Variants in PCDHGA4 observed in about 807,000 individuals in gnomAD.
PCDHGA4 encodes protocadherin gamma-A4.
In PCDHGA4, 38 loss-of-function variants were observed where a neutral mutation model predicts 54.6. That is an observed-to-expected ratio of 0.70 (90% CI 0.54 to 0.91). The LOEUF is 0.91. Among genes scored for constraint, PCDHGA4 ranks in the 40% least tolerant of loss-of-function variants. The pLI, the probability that PCDHGA4 is intolerant of heterozygous loss-of-function variation, is 0.00. For missense variants in PCDHGA4, 1,298 were observed against 1,220.9 expected (o/e 1.06, Z -0.94); for synonymous variants, 511 against 512.9 (o/e 1.00, Z 0.05).
chr5:141,410,399 G>A, intron 1 of PCDHGA4: 1 of 1,614,044 alleles, frequency 6.2e-7, no homozygotes. Flanking sequence ...TGGTCTCTGT[G>A]TCAAGTCTGG....
At chr5:141,388,956 G>C (rs1010974359) in intron 1 of PCDHGA4, 1 of 1,613,846 alleles carries the variant, frequency 6.2e-7, no homozygotes, top group Non-Finnish European at 8.5e-7. Context: ...TATGGAGGAC[G>C]CCGAGCTGGG....
At chr5:141,376,372 G>T in intron 1 of PCDHGA4, 1 of 1,614,182 alleles carries the variant, frequency 6.2e-7, no homozygotes, top group Non-Finnish European at 8.5e-7. Flanking sequence ...CTGCAGACTC[G>T]CGTAAGAGTC....
At chr5:141,471,892 T>C (rs1429425311) in intron 1 of PCDHGA4, among the ~76,000 whole-genome samples, 1 of 152,166 alleles carries the variant, frequency 6.6e-6, no homozygotes, top group Admixed American at 6.6e-5. Context: ...GCTAGGAAGA[T>C]TGACTACAGA....
rs149653507 is a variant in PCDHGA4 at position 141,469,869 on chromosome 5, G to A, written c.2515-24938G>A. Among the ~76,000 whole-genome samples, 591 of 152,290 alleles carry A rather than the reference G, an allele frequency of 3.9e-3. 6 individuals are homozygous for A. Among genetic ancestry groups the A allele is most frequent in the Admixed American group, 0.011 (171 of 15,304 alleles). On this transcript the variant is annotated intron_variant, in intron 1 of 3. Transcript: ENST00000571252. ...ATTCAGACCGGGTGCAATGGCTCACGCCTGTAATCTCGGCACTTTGGGAAG... is the reference window on the plus strand; with the variant it reads ...ATTCAGACCGGGTGCAATGGCTCACACCTGTAATCTCGGCACTTTGGGAAG...
chr5:141,376,292 G>C (rs377013387), intron 1 of PCDHGA4: 30 of 1,614,038 alleles, frequency 1.9e-5, no homozygotes, highest in Middle Eastern at 3.3e-4. Flanking sequence ...GAGCATGCCC[G>C]GCTCGCACTT....
At position 141,431,696 on chromosome 5, in the gene PCDHGA4, G is replaced by T; in HGVS notation, c.2515-63111G>T. ...AGGGGAGTTGGACCACGAGGAGTCA[G>T]GATTCTACCAGATGGAAGTGCAAGC... On this transcript the variant is annotated intron_variant, in intron 1 of 3. Transcript: ENST00000571252. The surrounding 1 kb of genome is among the most constrained non-coding windows in gnomAD (Gnocchi z 4.8). 6.2e-7 allele frequency: 1 copy of T among 1,614,238 alleles called. No individual in the cohort carries two copies. Among genetic ancestry groups the T allele is most frequent in the Non-Finnish European group, 8.5e-7 (1 of 1,180,038 alleles).
At chr5:141,494,759 C>G (rs776923097) in intron 1 of PCDHGA4, 48 bp from the exon 2 acceptor site, 2 of 1,613,886 alleles carry the variant, frequency 1.2e-6, no homozygotes, top group Middle Eastern at 1.6e-4. Flanking sequence ...GGGTGACATT[C>G]TAACTTCTCA....
At chr5:141,396,502 C>T (rs982229069) in intron 1 of PCDHGA4, 2 of 152,106 alleles carry the variant, frequency 1.3e-5, no homozygotes, top group African/African-American at 4.8e-5. Flanking sequence ...CGCCTGTGGT[C>T]CCAGCTACTC....
At position 141,487,033 on chromosome 5, in the gene PCDHGA4, A is replaced by C. The variant is rs1465525110; in HGVS notation, c.2515-7774A>C. ...AGGCCCCAGATCCCAGCCTGTTTGC[A>C]GTCTCTCGATATGCTGGGGAGGTGC... On this transcript the variant is annotated intron_variant, in intron 1 of 3. Transcript: ENST00000571252. This position sits in a 1 kb window ranked among gnomAD's most constrained non-coding sequence, Gnocchi z 5.0. 3 of 1,614,160 alleles carry C rather than the reference A, an allele frequency of 1.9e-6. No individual in the cohort carries two copies. Among genetic ancestry groups the C allele is most frequent in the Non-Finnish European group, 2.5e-6 (3 of 1,180,032 alleles).
At chr5:141,387,607 AG>A in intron 1 of PCDHGA4, 2 of 547,806 alleles carry the variant, frequency 3.7e-6, no homozygotes, top group Non-Finnish European at 6.4e-6. Context: ...CAGAGGCTGT[AG>A]TTTCCTAGTG....
chr5:141,375,994 G>A lies in PCDHGA4; in HGVS notation c.2514+18373G>A, dbSNP rs553803944. ...CGCGCGCCCTGCTGGACAGAGACGC[G>A]CTCAAGCAGAGCCTAGTGGTGGCCG... On this transcript the variant is annotated intron_variant, in intron 1 of 3. Coordinates refer to ENST00000571252, the MANE Select transcript of PCDHGA4 (RefSeq NM_018917.4). The A allele has an allele frequency of 2.5e-6, 4 of 1,613,410 alleles. No individual in the cohort carries two copies. The South Asian group carries it at 3.3e-5, about 13-fold the overall frequency.
At chr5:141,424,215 G>T in intron 1 of PCDHGA4, 1 of 167,104 alleles carries the variant, frequency 6.0e-6, no homozygotes. Flanking sequence ...TTTTCTCTGA[G>T]CAATTTTATT....
At position 141,475,845 on chromosome 5, in the gene PCDHGA4, G is replaced by A. The variant is rs2099375736; in HGVS notation, c.2515-18962G>A. On this transcript the variant is annotated intron_variant, in intron 1 of 3. Coordinates refer to ENST00000571252, the MANE Select transcript of PCDHGA4 (RefSeq NM_018917.4). ...CGCTAGCGCGTGTCCTGCTCAGAGA[G>A]CCCGGCGCTAGCTCATTCTTCGTGC... The A allele has an allele frequency of 2.0e-5, 9 of 447,884 alleles. 1 individual carries two copies. In the South Asian group the frequency reaches 2.8e-4, roughly 14 times the overall value. 27.7% of individuals were successfully genotyped at this position (447,884 alleles called of 1,614,324 possible).
intron 1 of PCDHGA4, chr5:141,366,006 C>T (rs760966863): frequency 1.5e-5 from 25 of 1,614,122 alleles, no homozygotes; most frequent in African/African-American, 6.7e-5. Flanking sequence ...AACGACAATA[C>T]GCCTGAGATC....
At chr5:141,483,919 G>T (rs912152955) in intron 1 of PCDHGA4, among the ~76,000 whole-genome samples, 2 of 151,008 alleles carry the variant, frequency 1.3e-5, no homozygotes, top group South Asian at 2.1e-4. Flanking sequence ...CACTCAGATT[G>T]CAGGTCGTAG....
chr5:141,360,097 T>C, intron 1 of PCDHGA4: 1 of 1,527,810 alleles, frequency 6.5e-7, no homozygotes, highest in Non-Finnish European at 8.8e-7. Flanking sequence ...CCGGAAGGCT[T>C]ATTCCTCCTA....
chr5:141,399,893 C>G (rs2093913222), intron 1 of PCDHGA4: 2 of 1,612,566 alleles, frequency 1.2e-6, no homozygotes, highest in Non-Finnish European at 1.7e-6. Flanking sequence ...AAGGTAGTGG[C>G]CGTGGACGCA....
Position 141,377,206 on chromosome 5 carries a change from C to T in PCDHGA4, c.2514+19585C>T, listed in dbSNP as rs192772101. The T allele has an allele frequency of 1.8e-4, 28 of 152,284 alleles. No individual in the cohort carries two copies. In the East Asian group the frequency reaches 2.5e-3, roughly 14 times the overall value. 9.4% of individuals were successfully genotyped at this position (152,284 alleles called of 1,614,324 possible). ...AACTATTTGTGTCTTGGATTGAGTA[C>T]ATCTCGTTTCTTAGGTTTTTTCCTA... On this transcript the variant is annotated intron_variant, in intron 1 of 3. Coordinates refer to ENST00000571252, the MANE Select transcript of PCDHGA4 (RefSeq NM_018917.4).
Position 141,486,239 on chromosome 5 carries a change from C to G in PCDHGA4, c.2515-8568C>G, listed in dbSNP as rs751510109. On this transcript the variant is annotated intron_variant, in intron 1 of 3. Transcript: ENST00000571252. The surrounding 1 kb of genome is among the most constrained non-coding windows in gnomAD (Gnocchi z 5.0). ...CCCTTACATCACAGTGACCTCAGAG[C>G]TTGGAACCCTCCCCGAGAGTGCAGA... 6.2e-7 allele frequency: 1 copy of G among 1,614,160 alleles called. No individual in the cohort carries two copies. Among genetic ancestry groups the G allele is most frequent in the Admixed American group, 1.7e-5 (1 of 60,020 alleles).
Sources: allele counts gnomAD v4.1 joint callset (sites outside exome capture counted in the v4.1 genomes callset), GRCh38; gene constraint gnomAD v4.1.1; non-coding constraint Gnocchi (gnomAD v3.1); transcripts MANE v1.5; gene names NCBI Gene and HGNC (gene_info 2026-07-23, HGNC 2026-07-21).